PEAK1: variants seen among roughly 807,000 people sequenced by gnomAD.
PEAK1 encodes pseudopodium enriched atypical kinase 1.
Under a neutral mutation model 124.7 loss-of-function variants are expected in PEAK1, and 54 were observed. That is an observed-to-expected ratio of 0.43 (90% CI 0.35 to 0.54). PEAK1 has a LOEUF of 0.54. Among genes scored for constraint, PEAK1 ranks in the 20% least tolerant of loss-of-function variants. PEAK1 has a pLI of 0.01. For synonymous variants in PEAK1, 719 were observed against 760.0 expected (o/e 0.95, Z 0.89); for missense variants, 2,046 against 2,134.5 (o/e 0.96, Z 0.82).
intron 8 of PEAK1, among the ~76,000 whole-genome samples, chr15:77,154,889 C>T (rs1596379330): frequency 6.6e-6 from 1 of 151,842 alleles, no homozygotes; most frequent in Non-Finnish European, 1.5e-5. Flanking sequence ...TTGTGGGTAA[C>T]CCGACCTTTC....
At chr15:77,362,761 C>T (rs2067974656) in intron 2 of PEAK1, among the ~76,000 whole-genome samples, 1 of 151,714 alleles carries the variant, frequency 6.6e-6, no homozygotes, top group Non-Finnish European at 1.5e-5. Context: ...TGGAAACAAC[C>T]CAAATGTCCA....
chr15:77,180,519 G>A lies in PEAK1; in HGVS notation c.1408C>T (p.Pro470Ser). 6.2e-7 allele frequency: 1 copy of A among 1,614,104 alleles called. No individual in the cohort carries two copies. Among genetic ancestry groups the A allele is most frequent in the Non-Finnish European group, 8.5e-7 (1 of 1,180,006 alleles). ...KPYRVVNLEQ[P>S]LCKPYTVVDV... ...ACGACAGTATATGGCTTGCACAATGGCTGTTCCAGGTTCACAACTCGGTAA... is the reference window on the plus strand; with the variant it reads ...ACGACAGTATATGGCTTGCACAATGACTGTTCCAGGTTCACAACTCGGTAA... The change falls in exon 7 of 10, where the codon CCA (proline) becomes TCA (serine). Residue 470 changes from proline to serine, a missense_variant. Pro to Ser is a moderately conservative substitution (Grantham distance 74). Transcript: ENST00000682557.
chr15:77,131,634 T>G (rs1013764857), intron 9 of PEAK1, among the ~76,000 whole-genome samples: 1 of 152,218 alleles, frequency 6.6e-6, no homozygotes, highest in Non-Finnish European at 1.5e-5. Context: ...TCTCATAAAG[T>G]TGATGTGAAG....
intron 2 of PEAK1, chr15:77,345,967 G>A (rs1333224423): frequency 2.0e-6 from 2 of 985,274 alleles, no homozygotes; most frequent in East Asian, 1.1e-4. Context: ...GTCTATCATG[G>A]TCAAAAAGAA....
In PEAK1 at chr15:77,113,263, G is replaced by C. The variant is rs2051091321; in HGVS notation, c.*893C>G. On this transcript the variant is annotated 3_prime_UTR_variant, in exon 10 of 10. Transcript: ENST00000682557. ...CTGACAGTTCTGACAGTAATCAAAGGGTACTTTAAACTCTGTTTCCTGATG... is the reference window on the plus strand; with the variant it reads ...CTGACAGTTCTGACAGTAATCAAAGCGTACTTTAAACTCTGTTTCCTGATG... The C allele has an allele frequency of 6.6e-6, 1 of 152,236 alleles. No homozygotes were observed. Among genetic ancestry groups the C allele is most frequent in the African/African-American group, 2.4e-5 (1 of 41,456 alleles). 9.4% of individuals were successfully genotyped at this position (152,236 alleles called of 1,614,324 possible).
At chr15:77,230,957 A>G (rs886886614) in intron 6 of PEAK1, among the ~76,000 whole-genome samples, 1 of 152,176 alleles carries the variant, frequency 6.6e-6, no homozygotes, top group Non-Finnish European at 1.5e-5. Context: ...GATAATATAC[A>G]CATCTAAAAG....
rs558038316 is a variant in PEAK1, at chr15:77,238,337, T to C, written c.-115+14030A>G. ...TCTTTCTGTCTATCCTCAGTGTCTC[T>C]CAACTCGCCTTTTTTTTCTTCCTGT... On this transcript the variant is annotated intron_variant, in intron 6 of 9. Coordinates refer to ENST00000682557, the MANE Select transcript of PEAK1 (RefSeq NM_001385026.1). 3.9e-5 allele frequency among the ~76,000 whole-genome samples: 6 copies of C among 152,260 alleles called. No individual in the cohort carries two copies. In the East Asian group the frequency reaches 1.2e-3, roughly 29 times the overall value.
intron 1 of PEAK1, among the ~76,000 whole-genome samples, chr15:77,382,313 T>C (rs768249617): frequency 6.6e-6 from 1 of 152,206 alleles, no homozygotes; most frequent in Non-Finnish European, 1.5e-5. Context: ...TCCTTCACCA[T>C]GCTACTTTCC....
rs184576665 is a variant in PEAK1, at chr15:77,402,327, A to G, written c.-666+17679T>C. ...TAGACATCGGGGAGAAAAGGAGATC[A>G]AGGGAATAAATCAAGGGAAAAGAGG... On this transcript the variant is annotated intron_variant, in intron 1 of 9. Coordinates refer to ENST00000682557, the MANE Select transcript of PEAK1 (RefSeq NM_001385026.1). 2.1e-4 allele frequency: 202 copies of G among 985,352 alleles called. No individual in the cohort carries two copies. The African/African-American group carries it at 3.2e-3, about 15-fold the overall frequency. 61.0% of individuals were successfully genotyped at this position (985,352 alleles called of 1,614,324 possible). A position where few individuals can be genotyped will look rare whatever the true frequency, so the allele number is the denominator to read the frequency against.
At chr15:77,368,585 T>C (rs1215480207) in intron 1 of PEAK1, among the ~76,000 whole-genome samples, 2 of 150,088 alleles carry the variant, frequency 1.3e-5, no homozygotes, top group Non-Finnish European at 3.0e-5. Flanking sequence ...CTCTAAGAAA[T>C]TGTAGAAAAA....
chr15:77,405,986 A>G (rs2071782259), intron 1 of PEAK1, among the ~76,000 whole-genome samples: 2 of 152,158 alleles, frequency 1.3e-5, no homozygotes, highest in Non-Finnish European at 2.9e-5. Flanking sequence ...CTCACTGATA[A>G]TATTTCACAA....
At chr15:77,317,224 G>GT (rs1387414745) in intron 2 of PEAK1, among the ~76,000 whole-genome samples, 1 of 152,090 alleles carries the variant, frequency 6.6e-6, no homozygotes, top group Admixed American at 6.6e-5. Context: ...GGGAATTTCA[G>GT]TAAGTTTTCA....
At chr15:77,177,258 G>C (rs1300908892) in intron 7 of PEAK1, among the ~76,000 whole-genome samples, 1 of 152,046 alleles carries the variant, frequency 6.6e-6, no homozygotes, top group East Asian at 1.9e-4. Flanking sequence ...ACCCGGCCCT[G>C]AAATACATGT....
chr15:77,261,265 G>A (rs927474491), intron 5 of PEAK1, among the ~76,000 whole-genome samples: 2 of 152,174 alleles, frequency 1.3e-5, no homozygotes, highest in Non-Finnish European at 1.5e-5. Context: ...GAACAAAGCC[G>A]GATGGAGAAT....
intron 5 of PEAK1, among the ~76,000 whole-genome samples, chr15:77,269,378 A>G (rs1233255009): frequency 6.6e-6 from 1 of 152,192 alleles, no homozygotes; most frequent in East Asian, 1.9e-4. Context: ...TTCTTATATC[A>G]GACAAAACAA....
At chr15:77,399,255 A>T (rs932088680) in intron 1 of PEAK1, among the ~76,000 whole-genome samples, 2 of 152,184 alleles carry the variant, frequency 1.3e-5, no homozygotes, top group Non-Finnish European at 2.9e-5. Flanking sequence ...AACCCAAAGC[A>T]ATAGACAATT....
At chr15:77,303,110 A>G (rs576677330) in intron 2 of PEAK1, among the ~76,000 whole-genome samples, 75 of 152,266 alleles carry the variant, frequency 4.9e-4, no homozygotes, top group Admixed American at 9.8e-4. Flanking sequence ...TCTTTTTAGT[A>G]CTGATTAATA....
Position 77,109,576 on chromosome 15 carries a change from A to G in PEAK1, c.*4580T>C, listed in dbSNP as rs1211911294. 6.6e-6 allele frequency: 1 copy of G among 152,176 alleles called. No individual in the cohort carries two copies. The highest frequency in any genetic ancestry group is 1.5e-5 in the Non-Finnish European group (1 of 68,032). 9.4% of individuals were successfully genotyped at this position (152,176 alleles called of 1,614,324 possible). A position where few individuals can be genotyped will look rare whatever the true frequency, so the allele number is the denominator to read the frequency against. On this transcript the variant is annotated 3_prime_UTR_variant, in exon 10 of 10. Transcript: ENST00000682557. ...TATGGCACCGTTTTTGGTCCATGGA[A>G]TCCCCACTTTTGGCACTGCTGTAAG... is the stretch of plus-strand genomic sequence containing the variant.
rs2057222522 is a variant in PEAK1 at position 77,180,886 on chromosome 15, A to G, written c.1041T>C (p.Ser347=). 3.7e-6 allele frequency: 6 copies of G among 1,614,080 alleles called. No individual in the cohort carries two copies. The highest frequency in any genetic ancestry group is 5.1e-6 in the Non-Finnish European group (6 of 1,179,986). ...VSSDSTSPDS[S]LTEESRSETA... ...TCTCAGAACGTGATTCTTCTGTTAA[A>G]GAAGAATCTGGTGATGTGGAGTCAG... Residue 347 remains serine, a synonymous_variant, in exon 7 of 10, where the codon TCT becomes TCC. Transcript: ENST00000682557.
Sources: gnomAD v4.1 joint callset for allele counts (sites outside exome capture counted in the v4.1 genomes callset) on GRCh38, gnomAD v4.1.1 for gene constraint, MANE v1.5 for transcripts, NCBI Gene and HGNC (gene_info 2026-07-23, HGNC 2026-07-21) for gene names.